SLC9D1: variants seen among roughly 807,000 people sequenced by gnomAD.
SLC9D1 encodes putative LAG1-interacting protein.
the SLC9D1 span, among the ~76,000 whole-genome samples, chr13:113,535,517 C>T: frequency 2.0e-5 from 3 of 152,176 alleles, no homozygotes; most frequent in Non-Finnish European, 4.4e-5. This position sits in a 1 kb window ranked among gnomAD's most constrained non-coding sequence, Gnocchi z 4.1. Flanking sequence ...GTGTTTATAG[C>T]AGCTTTATTC....
chr13:113,548,368 C>G, the SLC9D1 span: 16 of 1,613,758 alleles, frequency 9.9e-6, no homozygotes, highest in East Asian at 3.6e-4. Flanking sequence ...TCAAGTGGAT[C>G]GTCTCTGCGG....
chr13:113,493,032 CA>C, the SLC9D1 span, among the ~76,000 whole-genome samples: 1 of 152,086 alleles, frequency 6.6e-6, no homozygotes, highest in East Asian at 1.9e-4. Flanking sequence ...ATTTTGGAGG[CA>C]AGTTTGAAGA....
chr13:113,549,283 CACTCAGCGTGACTGT>C, the SLC9D1 span: 1 of 933,554 alleles, frequency 1.1e-6, no homozygotes, highest in Non-Finnish European at 1.6e-6. Context: ...TCCCTCCCAG[CACTCAGCGTGACTGT>C]GCTCAGCCTC....
chr13:113,519,389 G>A, the SLC9D1 span, among the ~76,000 whole-genome samples: 1 of 151,830 alleles, frequency 6.6e-6, no homozygotes, highest in South Asian at 2.1e-4. Context: ...TGTTCGGGGT[G>A]GGGTTGGGGG....
At chr13:113,521,324 G>A in the SLC9D1 span, among the ~76,000 whole-genome samples, 1 of 148,756 alleles carries the variant, frequency 6.7e-6, no homozygotes, top group Non-Finnish European at 1.5e-5. Flanking sequence ...GTTTGCATGT[G>A]TCTGCATGCA....
chr13:113,508,082 T>C, the SLC9D1 span, among the ~76,000 whole-genome samples: 4 of 152,250 alleles, frequency 2.6e-5, no homozygotes, highest in African/African-American at 9.6e-5. Context: ...TGGCCTTTCC[T>C]GGTGCCGTTT....
At chr13:113,494,738 A>C in the SLC9D1 span, among the ~76,000 whole-genome samples, 1 of 152,130 alleles carries the variant, frequency 6.6e-6, no homozygotes, top group Non-Finnish European at 1.5e-5. Context: ...CAACATTTCA[A>C]ATGATTTTAA....
chr13:113,496,971 A>C, the SLC9D1 span, among the ~76,000 whole-genome samples: 6 of 152,240 alleles, frequency 3.9e-5, no homozygotes, highest in African/African-American at 1.4e-4. Flanking sequence ...CACACTTCAT[A>C]ACATATCAAC....
At chr13:113,503,655 C>A in the SLC9D1 span, 1 of 912,358 alleles carries the variant, frequency 1.1e-6, no homozygotes, top group Non-Finnish European at 1.8e-6. Context: ...GGTTCATACA[C>A]TTTTAACACT....
the SLC9D1 span, among the ~76,000 whole-genome samples, chr13:113,495,011 T>C: frequency 1.3e-5 from 2 of 152,268 alleles, no homozygotes; most frequent in African/African-American, 4.8e-5. Flanking sequence ...ATTACAGGCG[T>C]GCGCCACCAG....
chr13:113,544,256 G>A, the SLC9D1 span, among the ~76,000 whole-genome samples: 1 of 152,246 alleles, frequency 6.6e-6, no homozygotes, highest in African/African-American at 2.4e-5. Flanking sequence ...GGCCCAGGCT[G>A]TGCTTCTGAG....
At chr13:113,513,825 A>C in the SLC9D1 span, among the ~76,000 whole-genome samples, 1 of 152,212 alleles carries the variant, frequency 6.6e-6, no homozygotes, top group Non-Finnish European at 1.5e-5. Flanking sequence ...AACTGATCCT[A>C]AAATTCAGTG....
chr13:113,510,051 G>A, the SLC9D1 span, among the ~76,000 whole-genome samples: 1 of 152,196 alleles, frequency 6.6e-6, no homozygotes, highest in Non-Finnish European at 1.5e-5. Flanking sequence ...GTGCAGCCCT[G>A]TGACAGTGCC....
the SLC9D1 span, among the ~76,000 whole-genome samples, chr13:113,501,213 G>A: frequency 6.6e-6 from 1 of 152,176 alleles, no homozygotes; most frequent in Admixed American, 6.5e-5. Flanking sequence ...CAAAAACTTT[G>A]CTGTATAGTC....
At chr13:113,525,823 C>T in the SLC9D1 span, among the ~76,000 whole-genome samples, 3 of 148,092 alleles carry the variant, frequency 2.0e-5, no homozygotes, top group Non-Finnish European at 4.4e-5. Context: ...TCGTAGGAGA[C>T]GACAGCTCTG....
chr13:113,502,380 A>AT, the SLC9D1 span, among the ~76,000 whole-genome samples: 1 of 151,858 alleles, frequency 6.6e-6, no homozygotes, highest in South Asian at 2.1e-4. Flanking sequence ...CACCTGGCTA[A>AT]TTTTTTGTAT....
At chr13:113,548,077 C>G in the SLC9D1 span, among the ~76,000 whole-genome samples, 3 of 152,110 alleles carry the variant, frequency 2.0e-5, no homozygotes, top group Admixed American at 1.3e-4. Flanking sequence ...GCTAATGAAC[C>G]GAAAGGCTTA....
chr13:113,500,916 C>A, the SLC9D1 span, among the ~76,000 whole-genome samples: 2 of 152,158 alleles, frequency 1.3e-5, no homozygotes, highest in African/African-American at 4.8e-5. Flanking sequence ...CAGTGCCCTC[C>A]AAGAAGGGGT....
At chr13:113,513,707 A>G in the SLC9D1 span, among the ~76,000 whole-genome samples, 5 of 152,228 alleles carry the variant, frequency 3.3e-5, no homozygotes, top group Non-Finnish European at 7.3e-5. Flanking sequence ...ATGCTCACAG[A>G]GTTCATAAAA....
Sources: allele counts gnomAD v4.1 joint callset (sites outside exome capture counted in the v4.1 genomes callset), GRCh38; gene constraint gnomAD v4.1.1; non-coding constraint Gnocchi (gnomAD v3.1); transcripts MANE v1.5; gene names NCBI Gene and HGNC (gene_info 2026-07-23, HGNC 2026-07-21).